Variants in RGS5 observed in about 807,000 individuals in gnomAD.
RGS5 encodes the protein regulator of G protein signaling 5, also known as regulator of G-protein signalling 5.
In RGS5, 20 loss-of-function variants were observed where a neutral mutation model predicts 18.9. The observed-to-expected ratio is 1.06, with a 90% confidence interval of 0.74 to 1.54. The LOEUF (loss-of-function observed/expected upper bound fraction) is 1.54, where lower values mean the gene tolerates loss of function less well. Among genes scored for constraint, RGS5 ranks in the 40% most tolerant of loss-of-function variants. The probability of loss-of-function intolerance (pLI) is 0.00; values close to 1 mark genes in which losing one functional copy is unlikely to be tolerated. For missense variants in RGS5, 201 were observed against 211.8 expected, an observed-to-expected ratio of 0.95 and a Z score of 0.32; for synonymous variants, 57 against 76.2, an observed-to-expected ratio of 0.75 and a Z score of 1.31.
At chr1:163,307,273 C>T (rs904353646) in intron 1 of RGS5, among the ~76,000 whole-genome samples, 1 of 152,120 alleles carries the variant, frequency 6.6e-6, no homozygotes, top group Admixed American at 6.5e-5. Context: ...TCTAGTAGAT[C>T]CTCTACTTAT....
At chr1:163,170,834 C>A (rs757507331) in intron 1 of RGS5, among the ~76,000 whole-genome samples, 4 of 152,058 alleles carry the variant, frequency 2.6e-5, no homozygotes, top group African/African-American at 9.7e-5. Flanking sequence ...ACTGTTCTGC[C>A]GAGGGAGCTT....
chr1:163,192,308 T>C (rs1659392136), intron 1 of RGS5, among the ~76,000 whole-genome samples: 1 of 152,058 alleles, frequency 6.6e-6, no homozygotes, highest in South Asian at 2.1e-4. Flanking sequence ...AAGTAGATAG[T>C]GTCAGAGTTG....
chr1:163,320,176 G>T (rs992686093), intron 1 of RGS5, among the ~76,000 whole-genome samples: 4 of 151,638 alleles, frequency 2.6e-5, no homozygotes, highest in African/African-American at 4.9e-5. Flanking sequence ...AAATCGCTTG[G>T]TTTTTTTTCT....
chr1:163,160,700 C>A (rs1006104723), intron 3 of RGS5, among the ~76,000 whole-genome samples: 2 of 152,164 alleles, frequency 1.3e-5, no homozygotes, highest in Admixed American at 1.3e-4. Flanking sequence ...TCTTTGTCAT[C>A]TACTCTGTGC....
chr1:163,227,364 G>C (rs1647362209), intron 2 of RGS5, among the ~76,000 whole-genome samples: 2 of 152,178 alleles, frequency 1.3e-5, no homozygotes, highest in Admixed American at 1.3e-4. Flanking sequence ...CCTCTTCACA[G>C]GGTGGCAGGA....
chr1:163,177,823 G>C (rs540729617), intron 1 of RGS5, among the ~76,000 whole-genome samples: 1 of 152,288 alleles, frequency 6.6e-6, no homozygotes, highest in South Asian at 2.1e-4. Context: ...TTTAAAGACT[G>C]TTGCCAGGCA....
chr1:163,230,278 C>T (rs1235935246), intron 2 of RGS5, among the ~76,000 whole-genome samples: 2 of 152,140 alleles, frequency 1.3e-5, no homozygotes, highest in East Asian at 1.9e-4. Context: ...CTCTTTACCT[C>T]ATAAGATTTT....
intron 2 of RGS5, among the ~76,000 whole-genome samples, chr1:163,256,196 G>A (rs1029328677): frequency 1.3e-5 from 2 of 152,040 alleles, no homozygotes; most frequent in African/African-American, 4.8e-5. Context: ...TGACATGATT[G>A]TATATCTAGA....
chr1:163,236,729 C>T (rs555003263), intron 2 of RGS5, among the ~76,000 whole-genome samples: 7 of 152,104 alleles, frequency 4.6e-5, no homozygotes, highest in South Asian at 4.2e-4. Flanking sequence ...TTTGGGAGGT[C>T]GAGAGGGTGG....
At chr1:163,230,649 G>A (rs1175348025) in intron 2 of RGS5, among the ~76,000 whole-genome samples, 1 of 152,140 alleles carries the variant, frequency 6.6e-6, no homozygotes, top group Non-Finnish European at 1.5e-5. Flanking sequence ...AATTCATTCA[G>A]TGATACTATT....
chr1:163,273,364 C>G (rs922951921), intron 2 of RGS5, among the ~76,000 whole-genome samples: 1 of 152,150 alleles, frequency 6.6e-6, no homozygotes, highest in African/African-American at 2.4e-5. Context: ...GTTGTCTATA[C>G]TTTCAATTCT....
intron 2 of RGS5, among the ~76,000 whole-genome samples, chr1:163,227,730 T>C (rs1163884392): frequency 2.0e-5 from 3 of 152,188 alleles, no homozygotes; most frequent in Non-Finnish European, 4.4e-5. Flanking sequence ...CTTCCACTTA[T>C]GAGCCTGTAA....
chr1:163,147,457 A>G lies in RGS5; in HGVS notation c.431T>C (p.Val144Ala), dbSNP rs763615294. ...FTKDITMKNL[V>A]EPSLSSFDMA... ...GTCAAAGCTGCTCAGGGAAGGTTCC[A>G]CCAGGTTCTTCATTGTGATGTCCTT... is the stretch of plus-strand genomic sequence containing the variant. Residue 144 changes from valine to alanine, a missense_variant, in exon 5 of 5, where the codon GTG (valine) becomes GCG (alanine). Physicochemically the swap from Val to Ala is moderately conservative, Grantham distance 64 (BLOSUM62 0). Coordinates refer to ENST00000313961, the MANE Select transcript of RGS5 (RefSeq NM_003617.4). The G allele has an allele frequency of 6.2e-7, 1 of 1,611,878 alleles. No homozygotes were observed. Among genetic ancestry groups the G allele is most frequent in the Non-Finnish European group, 8.5e-7 (1 of 1,178,936 alleles).
chr1:163,285,793 C>T (rs542603607), intron 2 of RGS5, among the ~76,000 whole-genome samples: 2 of 152,142 alleles, frequency 1.3e-5, no homozygotes, highest in South Asian at 4.2e-4. Flanking sequence ...CTCTCTCTCT[C>T]TCCTGCTCAG....
intron 1 of RGS5, among the ~76,000 whole-genome samples, chr1:163,191,442 T>C (rs969719296): frequency 2.6e-5 from 4 of 152,224 alleles, no homozygotes; most frequent in South Asian, 2.1e-4. Context: ...AATGAGCAGA[T>C]AGATATCCTC....
At chr1:163,161,827 G>T in intron 3 of RGS5, 88 bp downstream of exon 3, 1 of 982,494 alleles carries the variant, frequency 1.0e-6, no homozygotes, top group Non-Finnish European at 1.6e-6. Flanking sequence ...TCAACATTGG[G>T]GAAGAAGAAC....
At chr1:163,217,500 T>C in intron 1 of RGS5, 1 of 1,505,184 alleles carries the variant, frequency 6.6e-7, no homozygotes, top group Non-Finnish European at 8.9e-7. Flanking sequence ...AGAAAACCAT[T>C]ATTTAAGACT....
chr1:163,229,065 C>A (rs1210552153), intron 2 of RGS5, among the ~76,000 whole-genome samples: 1 of 152,216 alleles, frequency 6.6e-6, no homozygotes, highest in East Asian at 1.9e-4. Flanking sequence ...GTTCCAAAGT[C>A]ATTTCCAAAT....
At chr1:163,162,247 A>C (rs548427235) in intron 2 of RGS5, among the ~76,000 whole-genome samples, 1 of 152,264 alleles carries the variant, frequency 6.6e-6, no homozygotes, top group Non-Finnish European at 1.5e-5. Context: ...TTTGACATTA[A>C]GCTGTGTCTT....
Sources: gnomAD v4.1 joint callset for allele counts (sites outside exome capture counted in the v4.1 genomes callset) on GRCh38, gnomAD v4.1.1 for gene constraint, MANE v1.5 for transcripts, NCBI Gene and HGNC (gene_info 2026-07-23, HGNC 2026-07-21) for gene names.